Variants in BTBD10 observed in about 807,000 individuals in gnomAD.
BTBD10 encodes BTB/POZ domain-containing protein 10.
BTBD10 carries 21 observed loss-of-function variants against 53.2 expected under a neutral mutation model. The observed-to-expected ratio is 0.39, with a 90% CI of 0.28 to 0.57. The LOEUF is 0.57. BTBD10 is among the 20% of genes least tolerant of loss of function. The pLI, the probability that BTBD10 is intolerant of heterozygous loss-of-function variation, is 0.53. For missense variants in BTBD10, 360 were observed against 594.7 expected (o/e 0.61, Z 4.10); for synonymous variants, 149 against 192.7 (o/e 0.77, Z 1.88).
intron 1 of BTBD10, among the ~76,000 whole-genome samples, chr11:13,449,071 TGA>T (rs1317076754): frequency 1.3e-5 from 2 of 152,162 alleles, no homozygotes; most frequent in Admixed American, 6.5e-5. Context: ...GAGAAAAAGA[TGA>T]TGCAATTATT....
Position 13,402,701 on chromosome 11 carries a change from T to C in BTBD10, c.1117+467A>G, listed in dbSNP as rs114060221. 6.1e-3 allele frequency among the ~76,000 whole-genome samples: 937 copies of C among 152,358 alleles called. 14 individuals are homozygous for C. The highest frequency in any genetic ancestry group is 0.021 in the African/African-American group (881 of 41,592). On this transcript the variant is annotated intron_variant, in intron 8 of 8. Transcript: ENST00000278174. ...AGATGAAAGAATATTTCATAATTTG[T>C]ACTTACCTTGAAAATAAGCTATTAT...
intron 8 of BTBD10, among the ~76,000 whole-genome samples, chr11:13,392,822 G>C (rs1440589686): frequency 1.3e-5 from 2 of 152,112 alleles, no homozygotes; most frequent in East Asian, 3.8e-4. Flanking sequence ...AATTATTTTA[G>C]AGTTTGTTGT....
At chr11:13,432,079 A>C (rs1023875150) in intron 2 of BTBD10, among the ~76,000 whole-genome samples, 1 of 152,122 alleles carries the variant, frequency 6.6e-6, no homozygotes, top group Non-Finnish European at 1.5e-5. Context: ...ATCCAAAAGC[A>C]TTTCGCTGAA....
intron 8 of BTBD10, among the ~76,000 whole-genome samples, chr11:13,398,474 G>A (rs566863303): frequency 1.2e-3 from 179 of 152,272 alleles, no homozygotes; most frequent in African/African-American, 4.2e-3. Context: ...ACAGCACACT[G>A]ATGGGTCTTG....
At chr11:13,419,182 ATATTT>A (rs1259031724) in intron 4 of BTBD10, among the ~76,000 whole-genome samples, 3 of 152,136 alleles carry the variant, frequency 2.0e-5, no homozygotes, top group African/African-American at 7.2e-5. Flanking sequence ...ATCTGTAAAG[ATATTT>A]TAGTATCCTG....
At chr11:13,435,533 C>T (rs531563980) in intron 2 of BTBD10, among the ~76,000 whole-genome samples, 7 of 152,318 alleles carry the variant, frequency 4.6e-5, no homozygotes, top group Non-Finnish European at 8.8e-5. Flanking sequence ...CGCTCTGTCG[C>T]CCAGGCTGGA....
intron 2 of BTBD10, among the ~76,000 whole-genome samples, chr11:13,444,219 T>C (rs1950714901): frequency 6.6e-6 from 1 of 151,934 alleles, no homozygotes; most frequent in Non-Finnish European, 1.5e-5. Context: ...ATTATCACAA[T>C]ATTATGGCTT....
At chr11:13,457,726 T>C (rs1029727948) in intron 1 of BTBD10, among the ~76,000 whole-genome samples, 4 of 152,264 alleles carry the variant, frequency 2.6e-5, no homozygotes, top group East Asian at 3.9e-4. Context: ...CTTTAGATAT[T>C]TGAACCACAT....
chr11:13,427,287 G>T (rs1950359360), intron 2 of BTBD10, among the ~76,000 whole-genome samples: 1 of 152,144 alleles, frequency 6.6e-6, no homozygotes, highest in African/African-American at 2.4e-5. Context: ...CAATATAAAA[G>T]AATGAGGAAA....
intron 5 of BTBD10, 60 bp from the exon 6 acceptor site, chr11:13,413,710 A>G: frequency 6.8e-7 from 1 of 1,476,782 alleles, no homozygotes; most frequent in East Asian, 2.4e-5. Context: ...GCCAAAACTT[A>G]TTATTAAGGA....
chr11:13,391,090 C>G (rs930575709), intron 8 of BTBD10, among the ~76,000 whole-genome samples: 2 of 152,166 alleles, frequency 1.3e-5, no homozygotes, highest in Admixed American at 1.3e-4. Flanking sequence ...ATATTACAAT[C>G]CTTGCTTAAA....
intron 2 of BTBD10, among the ~76,000 whole-genome samples, chr11:13,427,032 C>A (rs972643702): frequency 6.6e-6 from 1 of 152,034 alleles, no homozygotes; most frequent in South Asian, 2.1e-4. Flanking sequence ...CCTTTGGCAA[C>A]GTGGCAAAGC....
chr11:13,449,024 T>TAG (rs1462723163), intron 1 of BTBD10, among the ~76,000 whole-genome samples: 66 of 152,260 alleles, frequency 4.3e-4, no homozygotes, highest in African/African-American at 1.5e-3. Flanking sequence ...GCCTGTTGGC[T>TAG]AGGGGCAGGC....
chr11:13,421,556 T>A (rs1053943713), intron 3 of BTBD10, 86 bp downstream of exon 3: 3 of 1,201,780 alleles, frequency 2.5e-6, no homozygotes, highest in African/African-American at 3.0e-5. Flanking sequence ...TCTGCAGTAT[T>A]AGGCACAATT....
At chr11:13,454,050 T>A (rs1479727651) in intron 1 of BTBD10, among the ~76,000 whole-genome samples, 1 of 151,798 alleles carries the variant, frequency 6.6e-6, no homozygotes, top group East Asian at 1.9e-4. Context: ...AGACTCCATC[T>A]CAAAAACAAA....
intron 6 of BTBD10, among the ~76,000 whole-genome samples, chr11:13,410,157 T>TA (rs983340489): frequency 3.3e-5 from 5 of 151,818 alleles, no homozygotes; most frequent in African/African-American, 9.7e-5. Flanking sequence ...AAATAAAATT[T>TA]AAAAAAAATT....
intron 7 of BTBD10, chr11:13,404,752 G>T: frequency 4.0e-6 from 1 of 247,372 alleles, no homozygotes; most frequent in Non-Finnish European, 6.4e-6. Context: ...ATATCTCAAT[G>T]CAAACTCTGT....
At chr11:13,399,960 G>T (rs529467560) in intron 8 of BTBD10, among the ~76,000 whole-genome samples, 11 of 152,300 alleles carry the variant, frequency 7.2e-5, no homozygotes, top group South Asian at 2.1e-4. Context: ...CGCCCCTACT[G>T]GGGGGTGCCT....
chr11:13,452,015 C>T (rs1031484058), intron 1 of BTBD10, among the ~76,000 whole-genome samples: 17 of 151,788 alleles, frequency 1.1e-4, no homozygotes, highest in Admixed American at 2.0e-4. Flanking sequence ...CAAAAAAAAC[C>T]ATCAGGGAAC....
Sources: allele counts gnomAD v4.1 joint callset (sites outside exome capture counted in the v4.1 genomes callset), GRCh38; gene constraint gnomAD v4.1.1; transcripts MANE v1.5; gene names NCBI Gene and HGNC (gene_info 2026-07-23, HGNC 2026-07-21).